The following MRS2 variants were observed in gnomAD, a reference collection of about 807,000 sequenced individuals.
The protein encoded by MRS2 is magnesium transporter MRS2.
Under a neutral mutation model 52.6 loss-of-function variants are expected in MRS2, and 40 were observed. That is an observed-to-expected ratio of 0.76 (90% confidence interval 0.59 to 0.99). The LOEUF is 0.99. MRS2 is among the 50% of genes least tolerant of loss of function. The probability of loss-of-function intolerance (pLI) is 0.00; values close to 1 mark genes in which losing one functional copy is unlikely to be tolerated. For synonymous variants in MRS2, 193 were observed against 195.9 expected (o/e 0.98, Z 0.13); for missense variants, 472 against 532.7 (o/e 0.89, Z 1.12).
chr6:24,417,010 CAA>C (rs144985631), intron 7 of MRS2, among the ~76,000 whole-genome samples: 3,433 of 152,230 alleles, frequency 0.023, 76 homozygotes, highest in African/African-American at 0.061. Flanking sequence ...TTTAAATACC[CAA>C]ATATTTTGTT....
chr6:24,425,545 T>C lies in MRS2; in HGVS notation c.*1851T>C, dbSNP rs549554958. The C allele has an allele frequency of 6.6e-6, 1 of 152,390 alleles. No homozygotes were observed. Among genetic ancestry groups the C allele is most frequent in the African/African-American group, 2.4e-5 (1 of 41,600 alleles). The allele number at this position is 152,390 out of a possible 1,614,324, so 9.4% of individuals were successfully genotyped here. On this transcript the variant is annotated 3_prime_UTR_variant, in exon 11 of 11. Transcript: ENST00000378386. ...TTTTGTGATTGCAGGATGCTTCTTA[T>C]ACTAAAGTTCTCATAAATAATAAAT... is the stretch of plus-strand genomic sequence containing the variant.
intron 3 of MRS2, among the ~76,000 whole-genome samples, chr6:24,408,811 C>T (rs555168799): frequency 1.4e-4 from 21 of 152,270 alleles, no homozygotes; most frequent in African/African-American, 5.1e-4. Context: ...ATGTTTAAGG[C>T]AGAGTCACAT....
Position 24,409,558 on chromosome 6 carries a change from T to C in MRS2, c.399T>C (p.Ile133=), listed in dbSNP as rs1412955664. The part of the protein sequence containing the change: ...VMSITVRNNR[I]IMRMEYLKAV... The stretch of plus-strand genomic sequence containing the variant: ...GTATCACAGTCAGAAACAATAGGAT[T>C]ATCATGAGAATGGAGGTAAAATATT... The change falls in exon 4 of 11, where the codon ATT becomes ATC. Residue 133 remains isoleucine, a synonymous_variant. Coordinates refer to ENST00000378386, the MANE Select transcript of MRS2 (RefSeq NM_020662.4). 1 of 1,588,274 alleles carries C rather than the reference T, an allele frequency of 6.3e-7. No homozygotes were observed. Among genetic ancestry groups the C allele is most frequent in the African/African-American group, 1.3e-5 (1 of 74,188 alleles).
Position 24,418,073 on chromosome 6 carries a change from T to G in MRS2, c.837-11T>G, listed in dbSNP as rs760511113. On this transcript the variant is annotated splice_polypyrimidine_tract_variant and intron_variant, in intron 7 of 10. Coordinates refer to ENST00000378386, the MANE Select transcript of MRS2 (RefSeq NM_020662.4). ...TGGGAGTATGTTAATTATTTTCTCTTTTAATTGAAGTGAAAAGAGCAGTGC... is the reference window on the plus strand; with the variant it reads ...TGGGAGTATGTTAATTATTTTCTCTGTTAATTGAAGTGAAAAGAGCAGTGC... 1 of 1,599,290 alleles carries G rather than the reference T, an allele frequency of 6.3e-7. No individual in the cohort carries two copies. The highest frequency in any genetic ancestry group is 8.5e-7 in the Non-Finnish European group (1 of 1,175,880).
At chr6:24,406,259 T>G (rs571973612) in intron 2 of MRS2, among the ~76,000 whole-genome samples, 2 of 152,188 alleles carry the variant, frequency 1.3e-5, no homozygotes, top group African/African-American at 4.8e-5. Context: ...ACCTACCATA[T>G]AGAATTGTTA....
intron 5 of MRS2, among the ~76,000 whole-genome samples, chr6:24,414,226 T>C (rs4418171): frequency 0.059 from 9,017 of 151,986 alleles, 586 homozygotes; most frequent in African/African-American, 0.17. Context: ...CATAGGACAA[T>C]AGTGGAGGGA....
intron 9 of MRS2, among the ~76,000 whole-genome samples, chr6:24,422,661 T>A (rs1481343981): frequency 1.3e-5 from 2 of 152,202 alleles, no homozygotes; most frequent in East Asian, 3.8e-4. Context: ...ACTTAAGATT[T>A]GCACGCATGT....
At chr6:24,414,354 T>TAAACTGTTA (rs1278658271) in intron 5 of MRS2, among the ~76,000 whole-genome samples, 2 of 150,908 alleles carry the variant, frequency 1.3e-5, no homozygotes, top group African/African-American at 5.0e-5. Context: ...TGATGACTCT[T>TAAACTGTTA]AACGAGCATG....
At position 24,403,031 on chromosome 6, in the gene MRS2, T is replaced by A. The variant is rs371461700; in HGVS notation, c.-16T>A. Reference sequence around the variant, plus strand: ...GGTCTGGGGTCTGGCTGCTGCCTGCTTCTTGCTCCAGCACCATGGAATGCC... The same window carrying A: ...GGTCTGGGGTCTGGCTGCTGCCTGCATCTTGCTCCAGCACCATGGAATGCC... On this transcript the variant is annotated 5_prime_UTR_variant, in exon 1 of 11. Transcript: ENST00000378386. 2.9e-5 allele frequency: 46 copies of A among 1,575,056 alleles called. No individual in the cohort carries two copies. Among genetic ancestry groups the A allele is most frequent in the Non-Finnish European group, 3.9e-5 (45 of 1,161,900 alleles).
At chr6:24,419,120 C>A (rs970921650) in intron 9 of MRS2, 3 of 154,942 alleles carry the variant, frequency 1.9e-5, no homozygotes, top group Admixed American at 1.9e-4. Context: ...GCCTGTAGTC[C>A]CAGCTACTCC....
At chr6:24,414,440 CAT>C (rs1394822668) in intron 5 of MRS2, among the ~76,000 whole-genome samples, 3 of 151,696 alleles carry the variant, frequency 2.0e-5, no homozygotes, top group Admixed American at 6.6e-5. Context: ...GGACACAGCA[CAT>C]GTTTCAGAGA....
intron 4 of MRS2, among the ~76,000 whole-genome samples, chr6:24,411,714 T>G (rs1357349255): frequency 6.6e-6 from 1 of 152,078 alleles, no homozygotes; most frequent in Non-Finnish European, 1.5e-5. Flanking sequence ...GATTTTTGTA[T>G]TTTTAGTAGA....
Position 24,414,923 on chromosome 6 carries a change from C to T in MRS2, c.589-110C>T, listed in dbSNP as rs968022031. The T allele has an allele frequency of 6.5e-6, 6 of 927,130 alleles. No homozygotes were observed. The African/African-American group carries it at 8.2e-5, about 13-fold the overall frequency. The allele number at this position is 927,130 out of a possible 1,614,324, so 57.4% of individuals were successfully genotyped here. A position where few individuals can be genotyped will look rare whatever the true frequency, so the allele number is the denominator to read the frequency against. ...GAATTATCTATGTTCTGAAATGTTACCAGCATTTCAAGCTACTACAGATTT... is the reference window on the plus strand; with the variant it reads ...GAATTATCTATGTTCTGAAATGTTATCAGCATTTCAAGCTACTACAGATTT... On this transcript the variant is annotated intron_variant, in intron 5 of 10. Transcript: ENST00000378386.
chr6:24,411,783 T>C (rs370702341), intron 4 of MRS2, among the ~76,000 whole-genome samples: 23 of 151,890 alleles, frequency 1.5e-4, no homozygotes, highest in African/African-American at 4.8e-4. Flanking sequence ...ATGATCCACC[T>C]TCCTCAGCCT....
chr6:24,426,095 A>G lies in MRS2; in HGVS notation c.*2401A>G, dbSNP rs1005768592. The G allele has an allele frequency of 2.0e-5, 3 of 152,214 alleles. No homozygotes were observed. Among genetic ancestry groups the G allele is most frequent in the Non-Finnish European group, 4.4e-5 (3 of 68,044 alleles). 9.4% of individuals were successfully genotyped at this position (152,214 alleles called of 1,614,324 possible). A position where few individuals can be genotyped will look rare whatever the true frequency, so the allele number is the denominator to read the frequency against. ...ACAATTCCTATCTTGAAGCCTTGAG[A>G]AAAGCTGTTACATATACGCAGATAG... On this transcript the variant is annotated 3_prime_UTR_variant, in exon 11 of 11. Coordinates refer to ENST00000378386, the MANE Select transcript of MRS2 (RefSeq NM_020662.4).
Position 24,418,513 on chromosome 6 carries a change from T to C in MRS2, c.1042T>C (p.Ser348Pro). The change falls in exon 9 of 11, where the codon TCT becomes CCT. Residue 348 changes from serine (S) to proline (P), a missense_variant. Coordinates refer to ENST00000378386, the MANE Select transcript of MRS2 (RefSeq NM_020662.4). The part of the protein sequence containing the change: ...LNLQLTMGTF[S>P]LSLFGLMGVA... ...TCTACAGCTGACCATGGGAACCTTC[T>C]CTCTTTCGCTCTTTGGACTAATGGG... is the stretch of plus-strand genomic sequence containing the variant. The C allele has an allele frequency of 6.2e-7, 1 of 1,614,064 alleles. No individual in the cohort carries two copies.
At chr6:24,404,806 T>C (rs1217309972) in intron 1 of MRS2, among the ~76,000 whole-genome samples, 1 of 152,228 alleles carries the variant, frequency 6.6e-6, no homozygotes, top group African/African-American at 2.4e-5. Context: ...ATGAAGAGTC[T>C]TTTAAATTAT....
chr6:24,408,914 G>C lies in MRS2; in HGVS notation c.301+470G>C, dbSNP rs117849121. Among the ~76,000 whole-genome samples, 269 of 152,284 alleles carry C rather than the reference G, an allele frequency of 1.8e-3. 3 individuals carry two copies. In the East Asian group the frequency reaches 0.048, roughly 27 times the overall value. On this transcript the variant is annotated intron_variant, in intron 3 of 10. Transcript: ENST00000378386. ...GGAACTCTGCTGCTGATGGCTCTCTGTGGACAGCTACTTTAAAAAGTGAGA... is the reference window on the plus strand; with the variant it reads ...GGAACTCTGCTGCTGATGGCTCTCTCTGGACAGCTACTTTAAAAAGTGAGA...
At chr6:24,420,148 T>G (rs1056283) in intron 9 of MRS2, among the ~76,000 whole-genome samples, 1 of 152,022 alleles carries the variant, frequency 6.6e-6, no homozygotes. Context: ...GGTAGCCACT[T>G]GTTACTACCT....
Sources: gnomAD v4.1 joint callset for allele counts (sites outside exome capture counted in the v4.1 genomes callset) on GRCh38, gnomAD v4.1.1 for gene constraint, MANE v1.5 for transcripts, NCBI Gene and HGNC (gene_info 2026-07-23, HGNC 2026-07-21) for gene names.